Variants in FHIT observed in about 807,000 individuals in gnomAD.
FHIT encodes the protein fragile histidine triad diadenosine triphosphatase.
In FHIT, 19 loss-of-function variants were observed where a neutral mutation model predicts 17.9. The ratio of observed to expected loss-of-function variants is 1.06; its 90% confidence interval spans 0.74 to 1.56. The LOEUF (loss-of-function observed/expected upper bound fraction) is 1.56. Among genes scored for constraint, FHIT ranks in the 40% most tolerant of loss-of-function variants. The pLI is 0.00. For missense variants in FHIT, 248 were observed against 189.2 expected (o/e 1.31, Z -1.82); for synonymous variants, 81 against 69.7 (o/e 1.16, Z -0.81).
intron 4 of FHIT, among the ~76,000 whole-genome samples, chr3:60,800,046 T>C (rs372233766): frequency 2.0e-5 from 3 of 152,036 alleles, no homozygotes; most frequent in Admixed American, 6.6e-5. Flanking sequence ...TATCGAACCA[T>C]TCTAGCATGA....
chr3:60,275,368 T>G (rs1200106881), intron 5 of FHIT, among the ~76,000 whole-genome samples: 2 of 152,186 alleles, frequency 1.3e-5, no homozygotes, highest in African/African-American at 4.8e-5. Flanking sequence ...TTCCAATCAT[T>G]TCTCTGACTT....
At chr3:60,614,787 T>C (rs1553675025) in intron 4 of FHIT, among the ~76,000 whole-genome samples, 1 of 151,304 alleles carries the variant, frequency 6.6e-6, no homozygotes, top group African/African-American at 2.4e-5. Context: ...TAGCCATCGA[T>C]TTGTAAAAAA....
rs1245406904 is a variant in FHIT at position 60,616,434 on chromosome 3, A to AT, written c.-17-79456dup. On this transcript the variant is annotated intron_variant, in intron 4 of 9. Coordinates refer to ENST00000492590, the MANE Select transcript of FHIT (RefSeq NM_002012.4). ...CCATACTCTTTGATTCTTTTTTAAAATTTTTTTAATTATACAAGTAATACA... is the reference window on the plus strand; with the variant it reads ...CCATACTCTTTGATTCTTTTTTAAAATTTTTTTTAATTATACAAGTAATACA... Among the ~76,000 whole-genome samples, 5 of 152,138 alleles carry AT rather than the reference A, an allele frequency of 3.3e-5. No individual in the cohort carries two copies. In the South Asian group the frequency reaches 6.2e-4, roughly 19 times the overall value.
At chr3:60,516,582 A>G (rs2035168009) in intron 5 of FHIT, among the ~76,000 whole-genome samples, 1 of 152,226 alleles carries the variant, frequency 6.6e-6, no homozygotes, top group Non-Finnish European at 1.5e-5. Flanking sequence ...TTTGGTCTAG[A>G]TCGATTTAGC....
intron 5 of FHIT, among the ~76,000 whole-genome samples, chr3:60,169,997 C>G (rs987209578): frequency 2.6e-5 from 4 of 152,154 alleles, no homozygotes; most frequent in African/African-American, 9.7e-5. Context: ...TTCGATGATC[C>G]AGCATTCCTC....
intron 5 of FHIT, among the ~76,000 whole-genome samples, chr3:60,453,193 C>G (rs1277621926): frequency 7.8e-6 from 1 of 128,030 alleles, no homozygotes; most frequent in Non-Finnish European, 1.6e-5. Flanking sequence ...TATGCCTGAG[C>G]AGATTTTTTT....
chr3:60,582,833 A>G (rs1296200873), intron 4 of FHIT, among the ~76,000 whole-genome samples: 15 of 152,062 alleles, frequency 9.9e-5, no homozygotes, highest in African/African-American at 3.6e-4. Context: ...AGCAATTTAA[A>G]TATCCTACTT....
At chr3:60,488,539 G>A (rs115054047) in intron 5 of FHIT, among the ~76,000 whole-genome samples, 1,590 of 152,218 alleles carry the variant, frequency 0.01, 26 homozygotes, top group African/African-American at 0.036. Context: ...CTAGACATTG[G>A]TTCTGTGGTT....
intron 5 of FHIT, among the ~76,000 whole-genome samples, chr3:60,329,898 C>T (rs1021863267): frequency 6.6e-6 from 1 of 152,116 alleles, no homozygotes; most frequent in African/African-American, 2.4e-5. Flanking sequence ...AAAAGACTTG[C>T]ATCTATATGG....
chr3:60,290,513 T>TGC (rs1707933193), intron 5 of FHIT, among the ~76,000 whole-genome samples: 1 of 152,056 alleles, frequency 6.6e-6, no homozygotes, highest in Admixed American at 6.6e-5. Context: ...AACTGAGTCC[T>TGC]GCCAACAACC....
intron 5 of FHIT, among the ~76,000 whole-genome samples, chr3:60,219,272 T>C (rs555214644): frequency 6.6e-4 from 101 of 152,252 alleles, no homozygotes; most frequent in African/African-American, 2.4e-3. Flanking sequence ...CTAACGTTCC[T>C]AGGCCACTGG....
At chr3:60,913,118 C>A (rs1706827660) in intron 3 of FHIT, among the ~76,000 whole-genome samples, 1 of 152,178 alleles carries the variant, frequency 6.6e-6, no homozygotes, top group Non-Finnish European at 1.5e-5. Context: ...TAAACAGACA[C>A]CATGCCTAAG....
intron 5 of FHIT, among the ~76,000 whole-genome samples, chr3:60,020,523 C>A (rs1171742205): frequency 6.6e-6 from 1 of 152,126 alleles, no homozygotes; most frequent in Admixed American, 6.5e-5. Context: ...TGAAGTAAGG[C>A]AGTATCAGAT....
chr3:59,847,892 G>T (rs1322962567), intron 8 of FHIT, among the ~76,000 whole-genome samples: 1 of 152,104 alleles, frequency 6.6e-6, no homozygotes. Flanking sequence ...AGTTGCTTTT[G>T]AATGTCCTAG....
chr3:61,089,970 G>T (rs1056368262), intron 2 of FHIT, among the ~76,000 whole-genome samples: 6 of 152,328 alleles, frequency 3.9e-5, no homozygotes, highest in East Asian at 1.9e-4. Flanking sequence ...ATCTGAATCA[G>T]TGGTTCCTAA....
chr3:60,348,268 G>T (rs973523688), intron 5 of FHIT, among the ~76,000 whole-genome samples: 45 of 152,284 alleles, frequency 3.0e-4, no homozygotes, highest in African/African-American at 1.1e-3. Flanking sequence ...AGATTAGGTT[G>T]TTAATTATTG....
At chr3:59,972,291 G>T (rs898441338) in intron 7 of FHIT, among the ~76,000 whole-genome samples, 1 of 152,016 alleles carries the variant, frequency 6.6e-6, no homozygotes, top group Non-Finnish European at 1.5e-5. Context: ...GAGACATAGG[G>T]CCACTTAACC....
chr3:60,714,291 A>C (rs539521599), intron 4 of FHIT, among the ~76,000 whole-genome samples: 40 of 152,238 alleles, frequency 2.6e-4, no homozygotes, highest in African/African-American at 8.9e-4. Context: ...TCTCAAAATA[A>C]TAAGAGCTAT....
intron 4 of FHIT, among the ~76,000 whole-genome samples, chr3:60,615,928 A>C (rs1214538531): frequency 1.3e-5 from 2 of 152,210 alleles, no homozygotes; most frequent in African/African-American, 4.8e-5. Flanking sequence ...AGAGATAAAG[A>C]AACTGTTCTT....
Sources: allele counts gnomAD v4.1 joint callset (sites outside exome capture counted in the v4.1 genomes callset), GRCh38; gene constraint gnomAD v4.1.1; transcripts MANE v1.5; gene names NCBI Gene and HGNC (gene_info 2026-07-23, HGNC 2026-07-21).